ARID4B: variants seen among roughly 807,000 people sequenced by gnomAD.
The protein encoded by ARID4B is AT-rich interaction domain 4B, also known as AT-rich interactive domain-containing protein 4B.
ARID4B carries 26 observed loss-of-function variants against 147.5 expected under a neutral mutation model. That is an observed-to-expected ratio of 0.18 (90% confidence interval 0.13 to 0.24). The LOEUF is 0.24. ARID4B is among the 10% of genes least tolerant of loss of function. The pLI is 1.00. For missense variants in ARID4B, 1,179 were observed against 1,511.5 expected (o/e 0.78, Z 3.65); for synonymous variants, 512 against 507.9 (o/e 1.01, Z -0.11).
chr1:235,312,194 G>C (rs138816560), intron 2 of ARID4B, among the ~76,000 whole-genome samples: 1 of 152,026 alleles, frequency 6.6e-6, no homozygotes, highest in African/African-American at 2.4e-5. Context: ...GCTGAGGCAG[G>C]AGAACTGCTT....
intron 2 of ARID4B, among the ~76,000 whole-genome samples, chr1:235,300,659 A>C (rs1208193150): frequency 1.3e-5 from 2 of 152,090 alleles, no homozygotes; most frequent in African/African-American, 4.8e-5. Flanking sequence ...TATTTAGCTT[A>C]TTCTACATTA....
chr1:235,240,782 C>T (rs1294297041), intron 7 of ARID4B, among the ~76,000 whole-genome samples: 1 of 152,094 alleles, frequency 6.6e-6, no homozygotes, highest in African/African-American at 2.4e-5. Flanking sequence ...CTAAAATATA[C>T]ACAATCCCAA....
intron 2 of ARID4B, among the ~76,000 whole-genome samples, chr1:235,298,490 TTATA>T (rs1035863009): frequency 6.7e-6 from 1 of 148,776 alleles, no homozygotes; most frequent in Admixed American, 6.8e-5. Flanking sequence ...TAACGTATAT[TTATA>T]TATATCCATA....
intron 14 of ARID4B, among the ~76,000 whole-genome samples, chr1:235,221,304 T>G (rs1405555350): frequency 6.6e-6 from 1 of 152,218 alleles, no homozygotes; most frequent in Non-Finnish European, 1.5e-5. Flanking sequence ...AAATGTGGAT[T>G]TACTTGACTT....
At chr1:235,244,318 T>C (rs982144561) in intron 7 of ARID4B, among the ~76,000 whole-genome samples, 5 of 152,160 alleles carry the variant, frequency 3.3e-5, no homozygotes, top group Admixed American at 6.5e-5. Flanking sequence ...TGCCAGATTA[T>C]GGGAAAACAA....
At chr1:235,206,775 GAC>G (rs1313112646) in intron 17 of ARID4B, among the ~76,000 whole-genome samples, 1 of 152,168 alleles carries the variant, frequency 6.6e-6, no homozygotes, top group African/African-American at 2.4e-5. Context: ...CAGTTGTGGA[GAC>G]ACAGTGAACA....
chr1:235,202,426 T>C (rs1327528534), intron 17 of ARID4B, among the ~76,000 whole-genome samples: 1 of 151,516 alleles, frequency 6.6e-6, no homozygotes, highest in African/African-American at 2.4e-5. Flanking sequence ...TCTGATAATA[T>C]TTCTATTGAG....
intron 19 of ARID4B, 149 bp from the exon 20 acceptor site, chr1:235,182,942 G>A (rs1360443697): frequency 3.2e-6 from 2 of 629,392 alleles, no homozygotes; most frequent in Non-Finnish European, 5.1e-6. Flanking sequence ...AAGAAACTGG[G>A]TTTCAAAGAG....
chr1:235,307,829 T>C (rs1194997340), intron 2 of ARID4B, among the ~76,000 whole-genome samples: 3 of 152,154 alleles, frequency 2.0e-5, no homozygotes, highest in Non-Finnish European at 4.4e-5. Context: ...TAATTTATAA[T>C]ACTAATTTTC....
chr1:235,309,232 C>A (rs1395392486), intron 2 of ARID4B, among the ~76,000 whole-genome samples: 1 of 146,914 alleles, frequency 6.8e-6, no homozygotes, highest in Admixed American at 6.8e-5. Flanking sequence ...GGAGACCCTC[C>A]ACCTGGCAAC....
chr1:235,294,355 C>T (rs1672539687), intron 2 of ARID4B, among the ~76,000 whole-genome samples: 1 of 138,268 alleles, frequency 7.2e-6, no homozygotes, highest in African/African-American at 2.6e-5. Context: ...CTCTGTCACC[C>T]AGGCTGGAGT....
In ARID4B at chr1:235,252,793, A is replaced by G; in HGVS notation, c.291T>C (p.Asp97=). 2.5e-6 allele frequency: 4 copies of G among 1,609,736 alleles called. No individual in the cohort carries two copies. The highest frequency in any genetic ancestry group is 3.4e-6 in the Non-Finnish European group (4 of 1,177,836). The change falls in exon 6 of 24, where the codon GAT becomes GAC. Residue 97 remains aspartate (D), a synonymous_variant. Coordinates refer to ENST00000264183, the MANE Select transcript of ARID4B (RefSeq NM_016374.6). ...SWYTVVFDDG[D]EKTLRRSSLC... ...GTGAAGATCGTCTCAGTGTCTTCTC[A>G]TCTCCGTCATCAAAAACTATGAGAG...
At chr1:235,221,405 A>AT (rs11405877) in intron 14 of ARID4B, among the ~76,000 whole-genome samples, 160 bp downstream of exon 14, 72,675 of 152,014 alleles carry the variant, frequency 0.48, 17,712 homozygotes, top group South Asian at 0.6. Flanking sequence ...TAGATCTAGT[A>AT]TCATAGAATA....
At chr1:235,289,594 T>C (rs1672195601) in intron 2 of ARID4B, among the ~76,000 whole-genome samples, 1 of 151,758 alleles carries the variant, frequency 6.6e-6, no homozygotes, top group Non-Finnish European at 1.5e-5. Context: ...CATGGTAGCA[T>C]GTGCCTGTAG....
chr1:235,189,058 C>G (rs537957439), intron 19 of ARID4B, among the ~76,000 whole-genome samples: 39 of 152,202 alleles, frequency 2.6e-4, no homozygotes, highest in Admixed American at 5.2e-4. Context: ...TGGTACAAAA[C>G]ACACAGAAAA....
rs1363101127 is a variant in ARID4B at position 235,294,614 on chromosome 1, T to C, written c.6+32300A>G. Among the ~76,000 whole-genome samples, 7 of 139,860 alleles carry C rather than the reference T, an allele frequency of 5.0e-5. No individual in the cohort carries two copies. The East Asian group carries it at 1.5e-3, about 30-fold the overall frequency. The allele number at this position is 139,860 out of a possible 152,430, so 91.8% of individuals were successfully genotyped here. On this transcript the variant is annotated intron_variant, in intron 2 of 23. Transcript: ENST00000264183. ...CAGGGGTTCAAGCAATTCTCCCGCT[T>C]GAACCCAGGGGTTCAAGCCTCCTGA... is the stretch of plus-strand genomic sequence containing the variant.
chr1:235,327,260 C>G (rs774060552), intron 1 of ARID4B: 3 of 204,554 alleles, frequency 1.5e-5, no homozygotes, highest in African/African-American at 4.7e-5. Flanking sequence ...ACAACAAGCC[C>G]GGCGTCCGGC....
intron 22 of ARID4B, among the ~76,000 whole-genome samples, chr1:235,173,021 C>T (rs1468314816): frequency 6.6e-6 from 1 of 152,132 alleles, no homozygotes; most frequent in African/African-American, 2.4e-5. Context: ...CATCCATATA[C>T]AGTATTACCA....
chr1:235,195,883 A>C (rs1665459432), intron 18 of ARID4B, 148 bp downstream of exon 18: 11 of 584,514 alleles, frequency 1.9e-5, no homozygotes, highest in Non-Finnish European at 2.7e-5. Context: ...TGCTTTCCCT[A>C]ACCTGACAAA....
Sources: allele counts gnomAD v4.1 joint callset (sites outside exome capture counted in the v4.1 genomes callset), GRCh38; gene constraint gnomAD v4.1.1; transcripts MANE v1.5; gene names NCBI Gene and HGNC (gene_info 2026-07-23, HGNC 2026-07-21).